Variants in SLC17A3 observed in about 807,000 individuals in gnomAD.
SLC17A3 encodes the protein sodium-dependent phosphate transport protein 4.
SLC17A3 carries 61 observed loss-of-function variants against 60.3 expected under a neutral mutation model. The ratio of observed to expected loss-of-function variants is 1.01; its 90% CI spans 0.82 to 1.25. SLC17A3 has a LOEUF of 1.25. Among genes scored for constraint, SLC17A3 ranks in the 50% most tolerant of loss-of-function variants. SLC17A3 has a pLI of 0.00. For synonymous variants in SLC17A3, 192 were observed against 208.9 expected (o/e 0.92, Z 0.70); for missense variants, 624 against 594.9 (o/e 1.05, Z -0.51).
rs536806990 is a variant in SLC17A3, at chr6:25,869,613, C to T, written c.-33-1193G>A. Reference sequence around the variant, plus strand: ...GAGGCCTCACACTCATGGCAAAAGGCGAAGAAAGAGCAAAGATACATCTTA... The same window carrying T: ...GAGGCCTCACACTCATGGCAAAAGGTGAAGAAAGAGCAAAGATACATCTTA... On this transcript the variant is annotated intron_variant, in intron 1 of 12. Coordinates refer to ENST00000397060, the MANE Select transcript of SLC17A3 (RefSeq NM_001098486.2). 1.1e-3 allele frequency among the ~76,000 whole-genome samples: 172 copies of T among 151,952 alleles called. No homozygotes were observed. In the Middle Eastern group the frequency reaches 0.02, roughly 18 times the overall value.
intron 6 of SLC17A3, among the ~76,000 whole-genome samples, chr6:25,853,890 C>T (rs1765320443): frequency 6.6e-6 from 1 of 151,994 alleles, no homozygotes; most frequent in African/African-American, 2.4e-5. Flanking sequence ...TAATTACATC[C>T]TACAAAATTT....
At chr6:25,868,266 C>T (rs957032461) in intron 2 of SLC17A3, 31 bp downstream of exon 2, 2 of 1,526,108 alleles carry the variant, frequency 1.3e-6, no homozygotes, top group Non-Finnish European at 1.8e-6. Flanking sequence ...ACTGTAAAAT[C>T]CTAAAACCAA....
intron 6 of SLC17A3, among the ~76,000 whole-genome samples, chr6:25,852,307 T>C (rs1765292158): frequency 6.6e-6 from 1 of 152,166 alleles, no homozygotes; most frequent in Non-Finnish European, 1.5e-5. Context: ...TTGATTAGAA[T>C]GTAACTTGAT....
Position 25,852,631 on chromosome 6 carries a change from A to G in SLC17A3, c.713-1754T>C, listed in dbSNP as rs900070279. Among the ~76,000 whole-genome samples the G allele has an allele frequency of 7.9e-5, 12 of 152,126 alleles. No homozygotes were observed. In the East Asian group the frequency reaches 2.3e-3, roughly 29 times the overall value. Reference sequence around the variant, plus strand: ...CTCCATTCAGTGCATTTTTCATCTCAGATACTGTACTTTTCATCTCTATAA... The same window carrying G: ...CTCCATTCAGTGCATTTTTCATCTCGGATACTGTACTTTTCATCTCTATAA... On this transcript the variant is annotated intron_variant, in intron 6 of 12. Coordinates refer to ENST00000397060, the MANE Select transcript of SLC17A3 (RefSeq NM_001098486.2).
In SLC17A3 at chr6:25,861,729, A is replaced by G. The variant is rs371848996; in HGVS notation, c.538-18T>C. On this transcript the variant is annotated intron_variant, in intron 4 of 12. Coordinates refer to ENST00000397060, the MANE Select transcript of SLC17A3 (RefSeq NM_001098486.2). The stretch of plus-strand genomic sequence containing the variant: ...ATTGAGGACTGAAATTAAAATGATT[A>G]GAGTTCTTAATGTGTGGTGCCATGT... The G allele has an allele frequency of 6.2e-7, 1 of 1,612,566 alleles. No individual in the cohort carries two copies. Among genetic ancestry groups the G allele is most frequent in the African/African-American group, 1.3e-5 (1 of 75,018 alleles).
At position 25,845,267 on chromosome 6, in the gene SLC17A3, G is replaced by A. The variant is rs758791846; in HGVS notation, c.*34C>T. 13 of 1,248,658 alleles carry A rather than the reference G, an allele frequency of 1.0e-5. No individual in the cohort carries two copies. The highest frequency in any genetic ancestry group is 1.5e-5 in the Non-Finnish European group (13 of 857,778). 77.3% of individuals were successfully genotyped at this position (1,248,658 alleles called of 1,614,324 possible). A position where few individuals can be genotyped will look rare whatever the true frequency, so the allele number is the denominator to read the frequency against. ...AGCCTTCTATTTTATGCAATACGGT[G>A]CCTAATGACTTTTCCATCCAAGGTG... On this transcript the variant is annotated 3_prime_UTR_variant, in exon 13 of 13. Coordinates refer to ENST00000397060, the MANE Select transcript of SLC17A3 (RefSeq NM_001098486.2).
At chr6:25,867,190 G>A (rs1765550231) in intron 2 of SLC17A3, among the ~76,000 whole-genome samples, 1 of 151,802 alleles carries the variant, frequency 6.6e-6, no homozygotes. Flanking sequence ...TTCTCACAAG[G>A]GCCACTGTTA....
rs1371607240 is a variant in SLC17A3, at chr6:25,849,839, C to T, written c.1237G>A (p.Gly413Arg). 6.2e-7 allele frequency: 1 copy of T among 1,613,940 alleles called. No homozygotes were observed. ...SCGLSTLCQS[G>R]IYINVLDIAP... ...ATATCTAAGACATTGATATAAATCCCTGACTGACACAATGTGCTTAATCCG... is the reference window on the plus strand; with the variant it reads ...ATATCTAAGACATTGATATAAATCCTTGACTGACACAATGTGCTTAATCCG... Residue 413 changes from glycine to arginine, a missense_variant, in exon 10 of 13, where the codon GGG (glycine) becomes AGG (arginine). By Grantham distance (125) the Gly-to-Arg change is moderately radical. Coordinates refer to ENST00000397060, the MANE Select transcript of SLC17A3 (RefSeq NM_001098486.2).
At chr6:25,847,563 C>T (rs1765198714) in intron 11 of SLC17A3, among the ~76,000 whole-genome samples, 1 of 152,150 alleles carries the variant, frequency 6.6e-6, no homozygotes, top group Non-Finnish European at 1.5e-5. Flanking sequence ...TCTGTAACCT[C>T]TCCAGCATTT....
chr6:25,868,575 A>T (rs1765579119), intron 1 of SLC17A3, 155 bp from the exon 2 acceptor site: 1 of 606,006 alleles, frequency 1.7e-6, no homozygotes, highest in South Asian at 1.9e-5. Flanking sequence ...CAACACAACA[A>T]GCATACTGCA....
At chr6:25,871,705 G>C (rs967919464) in intron 1 of SLC17A3, among the ~76,000 whole-genome samples, 8 of 152,150 alleles carry the variant, frequency 5.3e-5, no homozygotes, top group Non-Finnish European at 1.0e-4. Context: ...CAAGTTCTTA[G>C]TTTCCCCTTC....
chr6:25,852,388 T>C (rs1027430542), intron 6 of SLC17A3, among the ~76,000 whole-genome samples: 7 of 152,170 alleles, frequency 4.6e-5, no homozygotes, highest in Non-Finnish European at 7.4e-5. Flanking sequence ...ATAGTTTTCA[T>C]CCAATTTGGA....
In SLC17A3 at chr6:25,850,001, C is replaced by A. The variant is rs781058235; in HGVS notation, c.1123+47G>T. ...TTAAACAGTGAGATGCATTCTTTGG[C>A]TGTTGTATGCTACGCAAATTATCTG... On this transcript the variant is annotated intron_variant, in intron 9 of 12. Coordinates refer to ENST00000397060, the MANE Select transcript of SLC17A3 (RefSeq NM_001098486.2). The A allele has an allele frequency of 3.7e-6, 6 of 1,613,918 alleles. No homozygotes were observed. The East Asian group carries it at 1.3e-4, about 36-fold the overall frequency.
At chr6:25,846,861 C>T (rs6928027) in intron 11 of SLC17A3, among the ~76,000 whole-genome samples, 5,760 of 152,172 alleles carry the variant, frequency 0.038, 292 homozygotes, top group African/African-American at 0.12. Flanking sequence ...TTGCCTGCCT[C>T]GGCCTCCCAA....
At position 25,861,750 on chromosome 6, in the gene SLC17A3, C is replaced by T. The variant is rs527389249; in HGVS notation, c.538-39G>A. 1.2e-4 allele frequency: 201 copies of T among 1,609,874 alleles called. 3 individuals carry two copies. The South Asian group carries it at 1.4e-3, about 11-fold the overall frequency. ...GATTAGAGTTCTTAATGTGTGGTGCCATGTAGAAATTCATATCCAACTCAG... is the reference window on the plus strand; with the variant it reads ...GATTAGAGTTCTTAATGTGTGGTGCTATGTAGAAATTCATATCCAACTCAG... On this transcript the variant is annotated intron_variant, in intron 4 of 12. Transcript: ENST00000397060.
intron 5 of SLC17A3, among the ~76,000 whole-genome samples, chr6:25,858,949 C>A (rs950110751): frequency 2.6e-5 from 4 of 152,026 alleles, no homozygotes; most frequent in African/African-American, 4.8e-5. Flanking sequence ...ATGTTTTGGG[C>A]TTCATTAAAG....
chr6:25,848,310 A>G (rs1765212472), intron 11 of SLC17A3, among the ~76,000 whole-genome samples: 1 of 152,170 alleles, frequency 6.6e-6, no homozygotes, highest in Non-Finnish European at 1.5e-5. Flanking sequence ...TTAGTTCTTT[A>G]AGGAATATCC....
At chr6:25,873,464 A>G (rs528348196) in intron 1 of SLC17A3, among the ~76,000 whole-genome samples, 68 of 152,178 alleles carry the variant, frequency 4.5e-4, no homozygotes, top group South Asian at 2.1e-3. Flanking sequence ...ACATCTGTGA[A>G]GTTGCAGCTG....
chr6:25,851,958 AT>A (rs1467603692), intron 6 of SLC17A3, among the ~76,000 whole-genome samples: 4 of 152,044 alleles, frequency 2.6e-5, no homozygotes, highest in Admixed American at 2.6e-4. Context: ...TATGTTGAAT[AT>A]TTTTTATGCT....
Sources: gnomAD v4.1 joint callset for allele counts (sites outside exome capture counted in the v4.1 genomes callset) on GRCh38, gnomAD v4.1.1 for gene constraint, MANE v1.5 for transcripts, NCBI Gene and HGNC (gene_info 2026-07-23, HGNC 2026-07-21) for gene names.